Variants in MAP2 observed in about 807,000 individuals in gnomAD.
The protein encoded by MAP2 is microtubule associated protein 2, also known as microtubule-associated protein 2.
MAP2 carries 14 observed loss-of-function variants against 137.6 expected under a neutral mutation model. The observed-to-expected ratio is 0.10, with a 90% CI of 0.07 to 0.16. The LOEUF is 0.16. Among genes scored for constraint, MAP2 ranks in the 10% least tolerant of loss-of-function variants. MAP2 has a pLI of 1.00. For missense variants in MAP2, 2,088 were observed against 2,191.5 expected (o/e 0.95, Z 0.94); for synonymous variants, 786 against 782.3 (o/e 1.00, Z -0.08).
chr2:209,699,438 A>G (rs1381964703), intron 10 of MAP2, among the ~76,000 whole-genome samples: 1 of 152,186 alleles, frequency 6.6e-6, no homozygotes, highest in Non-Finnish European at 1.5e-5. Context: ...CCAATTTTCA[A>G]ACATAGATGG....
chr2:209,543,829 G>A (rs974549180), intron 2 of MAP2, among the ~76,000 whole-genome samples: 3 of 152,176 alleles, frequency 2.0e-5, no homozygotes, highest in African/African-American at 7.2e-5. Context: ...GTATGAAAAT[G>A]TGAGGTCAAG....
At chr2:209,531,168 A>AT (rs1425667827) in intron 2 of MAP2, among the ~76,000 whole-genome samples, 2 of 152,190 alleles carry the variant, frequency 1.3e-5, no homozygotes, top group South Asian at 2.1e-4. Context: ...TCCAAATAGT[A>AT]TTTTTTCTTC....
chr2:209,642,276 TG>T (rs1330662614), intron 4 of MAP2, among the ~76,000 whole-genome samples: 3 of 151,212 alleles, frequency 2.0e-5, no homozygotes, highest in African/African-American at 4.9e-5. Context: ...TGGTGGTGGA[TG>T]GGGGGGATTA....
chr2:209,457,416 G>A (rs1393937189), intron 1 of MAP2, among the ~76,000 whole-genome samples: 2 of 152,190 alleles, frequency 1.3e-5, no homozygotes, highest in African/African-American at 4.8e-5. Flanking sequence ...TGCATCCTAC[G>A]TTATTGCTCA....
At chr2:209,728,928 G>A (rs2153817789) in intron 14 of MAP2, among the ~76,000 whole-genome samples, 1 of 152,316 alleles carries the variant, frequency 6.6e-6, no homozygotes, top group East Asian at 1.9e-4. Flanking sequence ...AGGTGGTGAT[G>A]AGCAAATAAG....
intron 2 of MAP2, among the ~76,000 whole-genome samples, chr2:209,520,752 T>A (rs1483525894): frequency 1.3e-5 from 2 of 152,024 alleles, no homozygotes; most frequent in Non-Finnish European, 2.9e-5. Flanking sequence ...GGTTGTTTCA[T>A]AGGATATTTT....
chr2:209,430,354 T>C (rs1693927935), intron 1 of MAP2, among the ~76,000 whole-genome samples: 1 of 151,892 alleles, frequency 6.6e-6, no homozygotes, highest in Non-Finnish European at 1.5e-5. Context: ...AGGGCTAACA[T>C]GATGGTGGCA....
chr2:209,623,672 A>C (rs992866383), intron 3 of MAP2, among the ~76,000 whole-genome samples: 4 of 152,164 alleles, frequency 2.6e-5, no homozygotes, highest in African/African-American at 9.6e-5. Context: ...AAAATTCTCT[A>C]AATAGTCTGA....
chr2:209,570,632 A>G (rs1202467473), intron 2 of MAP2, among the ~76,000 whole-genome samples: 1 of 151,888 alleles, frequency 6.6e-6, no homozygotes, highest in Non-Finnish European at 1.5e-5. Flanking sequence ...TAGTATAATG[A>G]TGGTTTTTGT....
chr2:209,466,137 A>T (rs1704073506), intron 1 of MAP2, among the ~76,000 whole-genome samples: 1 of 152,208 alleles, frequency 6.6e-6, no homozygotes, highest in South Asian at 2.1e-4. Context: ...AAGAATCATA[A>T]ACTATTGGTT....
At chr2:209,677,691 T>A (rs543687297) in intron 5 of MAP2, among the ~76,000 whole-genome samples, 1 of 152,138 alleles carries the variant, frequency 6.6e-6, no homozygotes, top group East Asian at 1.9e-4. Context: ...AAGAATATTA[T>A]AATAGTCAGG....
chr2:209,451,482 A>T (rs551533039), intron 1 of MAP2, among the ~76,000 whole-genome samples: 2 of 152,204 alleles, frequency 1.3e-5, no homozygotes, highest in Admixed American at 1.3e-4. Context: ...TCCTGGCAGT[A>T]GCTGTGGTGG....
intron 1 of MAP2, among the ~76,000 whole-genome samples, chr2:209,464,822 A>G (rs1703733465): frequency 6.6e-6 from 1 of 152,042 alleles, no homozygotes; most frequent in Non-Finnish European, 1.5e-5. Flanking sequence ...TTCCCCCAAA[A>G]CTGAAATCAT....
intron 4 of MAP2, among the ~76,000 whole-genome samples, chr2:209,638,445 C>G (rs1338248097): frequency 6.6e-6 from 1 of 151,996 alleles, no homozygotes. Context: ...GGGCACAGCA[C>G]AACACAAGCA....
At chr2:209,565,383 A>T (rs1243755481) in intron 2 of MAP2, among the ~76,000 whole-genome samples, 1 of 149,792 alleles carries the variant, frequency 6.7e-6, no homozygotes, top group Non-Finnish European at 1.5e-5. Flanking sequence ...ATGCCAGCTA[A>T]TTTTTTTTTT....
chr2:209,690,746 G>T (rs1290441955), intron 7 of MAP2: 1 of 1,289,718 alleles, frequency 7.8e-7, no homozygotes, highest in Non-Finnish European at 1.0e-6. Flanking sequence ...GGCCCAAATA[G>T]TTCCCGAAGA....
Position 209,662,294 on chromosome 2 carries a change from G to A in MAP2, c.262+8862G>A, listed in dbSNP as rs138102355. 8.4e-3 allele frequency among the ~76,000 whole-genome samples: 1,285 copies of A among 152,290 alleles called. 6 individuals are homozygous for A. Among genetic ancestry groups the A allele is most frequent in the Non-Finnish European group, 0.011 (780 of 68,024 alleles). ...TTCCTCCCATGCACTGTGGAAATCA[G>A]TCTCGTTTCTTGTCTCGCTTTGTGC... On this transcript the variant is annotated intron_variant, in intron 5 of 15. Coordinates refer to ENST00000682079, the MANE Select transcript of MAP2 (RefSeq NM_001375505.1).
chr2:209,571,676 T>A (rs2074416590), intron 2 of MAP2, among the ~76,000 whole-genome samples: 1 of 152,052 alleles, frequency 6.6e-6, no homozygotes, highest in African/African-American at 2.4e-5. Context: ...TTATAGTTCA[T>A]GTGACATTGT....
chr2:209,567,746 G>T (rs1052035843), intron 2 of MAP2, among the ~76,000 whole-genome samples: 2 of 151,822 alleles, frequency 1.3e-5, no homozygotes, highest in African/African-American at 4.8e-5. Flanking sequence ...ACTCTTTCTC[G>T]CCAACTTAAT....
Sources: allele counts gnomAD v4.1 joint callset (sites outside exome capture counted in the v4.1 genomes callset), GRCh38; gene constraint gnomAD v4.1.1; transcripts MANE v1.5; gene names NCBI Gene and HGNC (gene_info 2026-07-23, HGNC 2026-07-21).